HS6ST3: variants seen among roughly 807,000 people sequenced by gnomAD.
HS6ST3 encodes heparan-sulfate 6-O-sulfotransferase 3.
Under a neutral mutation model 36.7 loss-of-function variants are expected in HS6ST3, and 12 were observed. The observed-to-expected ratio is 0.33, with a 90% confidence interval of 0.21 to 0.53. HS6ST3 has a LOEUF of 0.53. Among genes scored for constraint, HS6ST3 ranks in the 20% least tolerant of loss-of-function variants. The probability of loss-of-function intolerance (pLI) is 0.95; values close to 1 mark genes in which losing one functional copy is unlikely to be tolerated. For synonymous variants in HS6ST3, 240 were observed against 257.5 expected (o/e 0.93, Z 0.65); for missense variants, 584 against 640.9 (o/e 0.91, Z 0.96).
intron 1 of HS6ST3, among the ~76,000 whole-genome samples, chr13:96,795,376 GTC>G (rs1320621826): frequency 6.6e-6 from 1 of 151,932 alleles, no homozygotes; most frequent in Non-Finnish European, 1.5e-5. Flanking sequence ...TCTCTGACAA[GTC>G]TCTGAGTTTA....
At chr13:96,751,806 G>A (rs558474401) in intron 1 of HS6ST3, among the ~76,000 whole-genome samples, 1 of 150,232 alleles carries the variant, frequency 6.7e-6, no homozygotes, top group South Asian at 2.1e-4. Context: ...GTGTGTATGT[G>A]TATATATATA....
At chr13:96,271,942 T>C (rs913391646) in intron 1 of HS6ST3, among the ~76,000 whole-genome samples, 2 of 151,990 alleles carry the variant, frequency 1.3e-5, no homozygotes, top group Non-Finnish European at 2.9e-5. Context: ...AAAGGGATGA[T>C]AGACAATCTG....
Position 96,127,993 on chromosome 13 carries a change from A to G in HS6ST3, c.707+36424A>G, listed in dbSNP as rs143576756. 2.0e-5 allele frequency among the ~76,000 whole-genome samples: 3 copies of G among 152,218 alleles called. No individual in the cohort carries two copies. In the East Asian group the frequency reaches 5.8e-4, roughly 29 times the overall value. The stretch of plus-strand genomic sequence containing the variant: ...CACTTAAGTATATATACCCAACCCT[A>G]TCCCTGAATTTCTGAGTCAGTGTGA... On this transcript the variant is annotated intron_variant, in intron 1 of 1. Transcript: ENST00000376705.
chr13:96,428,370 C>T (rs1337854660), intron 1 of HS6ST3, among the ~76,000 whole-genome samples: 6 of 152,062 alleles, frequency 3.9e-5, no homozygotes, highest in Non-Finnish European at 7.4e-5. Flanking sequence ...AAAAGTATCA[C>T]GGACTGGGTG....
chr13:96,671,167 A>G (rs2138431164), intron 1 of HS6ST3, among the ~76,000 whole-genome samples: 1 of 152,226 alleles, frequency 6.6e-6, no homozygotes, highest in East Asian at 1.9e-4. Context: ...CACAGGTTGG[A>G]GCCAGCTAGT....
At chr13:96,109,758 T>C (rs535023663) in intron 1 of HS6ST3, among the ~76,000 whole-genome samples, 2 of 152,168 alleles carry the variant, frequency 1.3e-5, no homozygotes, top group East Asian at 3.9e-4. Context: ...TGGTGAGCTA[T>C]GCACCTCAGT....
intron 1 of HS6ST3, among the ~76,000 whole-genome samples, chr13:96,257,710 T>C (rs2054643965): frequency 6.6e-6 from 1 of 152,140 alleles, no homozygotes; most frequent in Non-Finnish European, 1.5e-5. Flanking sequence ...CTACATATAA[T>C]CAGGTACTGA....
intron 1 of HS6ST3, among the ~76,000 whole-genome samples, chr13:96,372,314 T>C (rs1380124907): frequency 1.3e-5 from 2 of 152,210 alleles, no homozygotes; most frequent in Non-Finnish European, 2.9e-5. Flanking sequence ...TTGCCCATTT[T>C]ATAATAGGGC....
At chr13:96,810,423 T>C (rs577652370) in intron 1 of HS6ST3, among the ~76,000 whole-genome samples, 57 of 152,292 alleles carry the variant, frequency 3.7e-4, no homozygotes, top group African/African-American at 1.3e-3. Flanking sequence ...TATGTACTAT[T>C]ATGACCATAA....
chr13:96,142,137 G>T (rs1187224068), intron 1 of HS6ST3, among the ~76,000 whole-genome samples: 1 of 151,488 alleles, frequency 6.6e-6, no homozygotes, highest in African/African-American at 2.4e-5. Context: ...TATATTTTGA[G>T]CCTGAAGAAA....
intron 1 of HS6ST3, among the ~76,000 whole-genome samples, chr13:96,241,961 A>G (rs140478038): frequency 0.012 from 1,753 of 151,190 alleles, 36 homozygotes; most frequent in African/African-American, 0.041. Flanking sequence ...AATTTTTTGT[A>G]TTTTTAGCAG....
At chr13:96,581,878 G>A (rs2056343263) in intron 1 of HS6ST3, among the ~76,000 whole-genome samples, 1 of 152,156 alleles carries the variant, frequency 6.6e-6, no homozygotes, top group Non-Finnish European at 1.5e-5. Context: ...CTGAAGTGGG[G>A]AACAGGAAAG....
At chr13:96,298,758 C>G (rs1025372887) in intron 1 of HS6ST3, among the ~76,000 whole-genome samples, 1 of 152,152 alleles carries the variant, frequency 6.6e-6, no homozygotes, top group Non-Finnish European at 1.5e-5. Flanking sequence ...TGTCCTCTGC[C>G]TATTTTAAGG....
chr13:96,216,649 G>A (rs1322728771), intron 1 of HS6ST3, among the ~76,000 whole-genome samples: 1 of 152,128 alleles, frequency 6.6e-6, no homozygotes, highest in Non-Finnish European at 1.5e-5. Context: ...GGTGGGCAGG[G>A]ACGAGTGAAG....
chr13:96,817,661 T>C (rs751343874), intron 1 of HS6ST3, among the ~76,000 whole-genome samples: 23 of 152,350 alleles, frequency 1.5e-4, no homozygotes, highest in Non-Finnish European at 2.5e-4. Context: ...TTGCAGTTGT[T>C]TGCTTGCTTT....
intron 1 of HS6ST3, among the ~76,000 whole-genome samples, chr13:96,151,479 C>T (rs1175912742): frequency 7.3e-5 from 11 of 151,702 alleles, no homozygotes; most frequent in Admixed American, 5.9e-4. Context: ...AAAACAATTA[C>T]ACCATGAAGT....
intron 1 of HS6ST3, among the ~76,000 whole-genome samples, chr13:96,416,418 G>A (rs2055533194): frequency 1.3e-5 from 2 of 152,114 alleles, no homozygotes; most frequent in Non-Finnish European, 2.9e-5. Flanking sequence ...TATAAATTTT[G>A]CAATCACTAA....
At chr13:96,694,311 AGCTG>A (rs1336376969) in intron 1 of HS6ST3, among the ~76,000 whole-genome samples, 3 of 152,172 alleles carry the variant, frequency 2.0e-5, no homozygotes, top group Non-Finnish European at 2.9e-5. Flanking sequence ...AATGGCCTCC[AGCTG>A]TATCCATGTT....
chr13:96,406,046 C>T (rs1275884735), intron 1 of HS6ST3, among the ~76,000 whole-genome samples: 2 of 152,074 alleles, frequency 1.3e-5, no homozygotes, highest in African/African-American at 4.8e-5. Flanking sequence ...ATGTAGTTTC[C>T]TTGAAATTTG....
Sources: gnomAD v4.1 joint callset for allele counts (sites outside exome capture counted in the v4.1 genomes callset) on GRCh38, gnomAD v4.1.1 for gene constraint, MANE v1.5 for transcripts, NCBI Gene and HGNC (gene_info 2026-07-23, HGNC 2026-07-21) for gene names.